Variants in MGAT4A observed in about 807,000 individuals in gnomAD.
MGAT4A encodes the protein N-acetylglucosaminyltransferase IVa.
In MGAT4A, 33 loss-of-function variants were observed where a neutral mutation model predicts 74.1. The ratio of observed to expected loss-of-function variants is 0.45; its 90% CI spans 0.34 to 0.60. MGAT4A has a LOEUF of 0.60. Among genes scored for constraint, MGAT4A ranks in the 20% least tolerant of loss-of-function variants. The pLI, the probability that MGAT4A is intolerant of heterozygous loss-of-function variation, is 0.02. For synonymous variants in MGAT4A, 198 were observed against 210.4 expected (o/e 0.94, Z 0.51); for missense variants, 479 against 628.3 (o/e 0.76, Z 2.54).
At position 98,625,186 on chromosome 2, in the gene MGAT4A, G is replaced by A. The variant is rs1041888747; in HGVS notation, c.*380C>T. The A allele has an allele frequency of 1.6e-5, 13 of 822,454 alleles. No homozygotes were observed. Among genetic ancestry groups the A allele is most frequent in the Admixed American group, 6.3e-5 (1 of 15,982 alleles). 50.9% of individuals were successfully genotyped at this position (822,454 alleles called of 1,614,324 possible). A position where few individuals can be genotyped will look rare whatever the true frequency, so the allele number is the denominator to read the frequency against. ...ATAATCCCTGATAATCTATAAAAGA[G>A]GGTCTATAATAGTAAAATAAGTGAA... On this transcript the variant is annotated 3_prime_UTR_variant, in exon 16 of 16. Transcript: ENST00000393487.
intron 1 of MGAT4A, among the ~76,000 whole-genome samples, chr2:98,728,986 T>C (rs1702805068): frequency 6.6e-6 from 1 of 152,168 alleles, no homozygotes; most frequent in South Asian, 2.1e-4. Context: ...TACAGGTTAT[T>C]AGAGTAAGCA....
At chr2:98,663,813 G>A (rs1357545959) in intron 4 of MGAT4A, among the ~76,000 whole-genome samples, 3 of 152,140 alleles carry the variant, frequency 2.0e-5, no homozygotes, top group Admixed American at 6.5e-5. Context: ...TGACAAAATC[G>A]GAGTAAGAGC....
intron 2 of MGAT4A, among the ~76,000 whole-genome samples, chr2:98,688,212 C>A (rs774547004): frequency 9.9e-5 from 15 of 151,952 alleles, no homozygotes; most frequent in Non-Finnish European, 1.9e-4. Context: ...TAGAAACCTC[C>A]CAAAGGATAA....
At chr2:98,695,878 C>CT (rs554678618) in intron 2 of MGAT4A, among the ~76,000 whole-genome samples, 3,171 of 130,390 alleles carry the variant, frequency 0.024, 92 homozygotes, top group African/African-American at 0.056. Context: ...CACAGAACTT[C>CT]TTTTTTTTTT....
chr2:98,671,347 C>T (rs1701908553), intron 4 of MGAT4A, among the ~76,000 whole-genome samples: 1 of 152,196 alleles, frequency 6.6e-6, no homozygotes, highest in Non-Finnish European at 1.5e-5. Context: ...AATGTGATCT[C>T]TGTAAAATTT....
chr2:98,671,803 G>C (rs140023990), intron 4 of MGAT4A, among the ~76,000 whole-genome samples: 4 of 151,770 alleles, frequency 2.6e-5, no homozygotes, highest in Non-Finnish European at 5.9e-5. Context: ...AATCACAAGC[G>C]TCTTTATGAA....
At chr2:98,702,744 G>C (rs973766124) in intron 2 of MGAT4A, among the ~76,000 whole-genome samples, 1 of 152,200 alleles carries the variant, frequency 6.6e-6, no homozygotes. Context: ...ATGCTATGCA[G>C]ACACAGGGGC....
chr2:98,667,087 G>A (rs148022746), intron 4 of MGAT4A, among the ~76,000 whole-genome samples: 505 of 142,440 alleles, frequency 3.5e-3, no homozygotes, highest in Non-Finnish European at 4.4e-3. Flanking sequence ...GAGTTCCCCT[G>A]CACAAGCTTG....
chr2:98,666,593 T>G (rs1269214902), intron 4 of MGAT4A, among the ~76,000 whole-genome samples: 3 of 151,390 alleles, frequency 2.0e-5, no homozygotes, highest in African/African-American at 7.3e-5. Context: ...CTTGGGAGGC[T>G]GGGGTGGGAG....
chr2:98,625,552 G>T lies in MGAT4A; in HGVS notation c.*14C>A. 2 of 1,606,206 alleles carry T rather than the reference G, an allele frequency of 1.2e-6. No homozygotes were observed. Among genetic ancestry groups the T allele is most frequent in the Non-Finnish European group, 1.7e-6 (2 of 1,178,042 alleles). The stretch of plus-strand genomic sequence containing the variant: ...ACAAATTCACAGGAAAAAATGTGTT[G>T]GTTTCTCAGATGATCAGTTGGTGGC... On this transcript the variant is annotated 3_prime_UTR_variant, in exon 16 of 16. Coordinates refer to ENST00000393487, the MANE Select transcript of MGAT4A (RefSeq NM_012214.3).
intron 2 of MGAT4A, among the ~76,000 whole-genome samples, chr2:98,704,933 G>C (rs1034791149): frequency 6.6e-6 from 1 of 152,124 alleles, no homozygotes; most frequent in Non-Finnish European, 1.5e-5. Context: ...CATGCTTCTG[G>C]AGAGTACACC....
intron 2 of MGAT4A, among the ~76,000 whole-genome samples, chr2:98,721,427 G>C (rs1204030485): frequency 6.6e-6 from 1 of 151,876 alleles, no homozygotes; most frequent in Non-Finnish European, 1.5e-5. Flanking sequence ...AAAAGTCAAT[G>C]GTATAAAATA....
intron 8 of MGAT4A, among the ~76,000 whole-genome samples, chr2:98,647,464 C>T (rs576024169): frequency 1.3e-4 from 20 of 152,098 alleles, no homozygotes; most frequent in Non-Finnish European, 2.1e-4. Context: ...TACAGGCACA[C>T]GCCACCACGC....
At chr2:98,681,046 G>A (rs567646025) in intron 2 of MGAT4A, among the ~76,000 whole-genome samples, 186 of 152,230 alleles carry the variant, frequency 1.2e-3, no homozygotes, top group Admixed American at 2.6e-3. Context: ...GCAGTGGCGC[G>A]ATCTCAGCTC....
Position 98,620,530 on chromosome 2 carries a change from AC to A in MGAT4A, c.*5035del, listed in dbSNP as rs1701047043. 6.6e-6 allele frequency: 1 copy of A among 152,280 alleles called. No homozygotes were observed. Among genetic ancestry groups the A allele is most frequent in the African/African-American group, 2.4e-5 (1 of 41,578 alleles). The allele number at this position is 152,280 out of a possible 1,614,324, so 9.4% of individuals were successfully genotyped here. A position where few individuals can be genotyped will look rare whatever the true frequency, so the allele number is the denominator to read the frequency against. ...AAATTAATGGACAAACCAAAATAAA[AC>A]TTCATTAGCTATTAATGGCTTGGAA... On this transcript the variant is annotated 3_prime_UTR_variant, in exon 16 of 16. Transcript: ENST00000393487.
At chr2:98,709,467 A>G (rs1249549930) in intron 2 of MGAT4A, among the ~76,000 whole-genome samples, 6 of 152,146 alleles carry the variant, frequency 3.9e-5, no homozygotes, top group Non-Finnish European at 7.4e-5. Flanking sequence ...AGGCAACAAG[A>G]TAAATGCATA....
chr2:98,721,954 G>A (rs946102967), intron 2 of MGAT4A, among the ~76,000 whole-genome samples: 2 of 152,176 alleles, frequency 1.3e-5, no homozygotes, highest in African/African-American at 4.8e-5. Flanking sequence ...CGCAGAGGGT[G>A]TCAGACTGGA....
intron 2 of MGAT4A, among the ~76,000 whole-genome samples, chr2:98,689,882 G>A (rs1253474403): frequency 6.6e-6 from 1 of 152,102 alleles, no homozygotes; most frequent in Non-Finnish European, 1.5e-5. Context: ...GCAGAAGGCA[G>A]AAAGGGTAGA....
At chr2:98,667,732 G>A (rs1308374362) in intron 4 of MGAT4A, among the ~76,000 whole-genome samples, 1 of 149,486 alleles carries the variant, frequency 6.7e-6, no homozygotes, top group Non-Finnish European at 1.5e-5. Context: ...TGTTGTTGTT[G>A]TTTTGAGACA....
Sources: allele counts gnomAD v4.1 joint callset (sites outside exome capture counted in the v4.1 genomes callset), GRCh38; gene constraint gnomAD v4.1.1; transcripts MANE v1.5; gene names NCBI Gene and HGNC (gene_info 2026-07-23, HGNC 2026-07-21).